The following AGTPBP1 variants were observed in gnomAD, a reference collection of about 807,000 sequenced individuals.
AGTPBP1 encodes ATP/GTP binding carboxypeptidase 1, also known as cytosolic carboxypeptidase 1.
In AGTPBP1, 70 loss-of-function variants were observed where a neutral mutation model predicts 143.9. The observed-to-expected ratio is 0.49, with a 90% confidence interval of 0.40 to 0.59. The LOEUF (loss-of-function observed/expected upper bound fraction) is 0.59. AGTPBP1 is among the 20% of genes least tolerant of loss of function. AGTPBP1 has a pLI of 0.00. For missense variants in AGTPBP1, 1,229 were observed against 1,464.5 expected, an observed-to-expected ratio of 0.84 and a Z score of 2.62; for synonymous variants, 463 against 500.2, an observed-to-expected ratio of 0.93 and a Z score of 0.99.
chr9:85,699,414 A>T (rs1371557877), intron 2 of AGTPBP1, among the ~76,000 whole-genome samples: 1 of 152,228 alleles, frequency 6.6e-6, no homozygotes, highest in African/African-American at 2.4e-5. Flanking sequence ...TTGCTTGAAT[A>T]TGGCAAAAGT....
At chr9:85,585,697 G>A in intron 22 of AGTPBP1, 103 bp from the exon 23 acceptor site, 1 of 909,722 alleles carries the variant, frequency 1.1e-6, no homozygotes, top group Non-Finnish European at 1.5e-6. Context: ...TGTGTTCCTT[G>A]GTCTTTTTAT....
intron 1 of AGTPBP1, among the ~76,000 whole-genome samples, chr9:85,719,356 T>C (rs1587972155): frequency 6.6e-6 from 1 of 152,244 alleles, no homozygotes; most frequent in Non-Finnish European, 1.5e-5. Context: ...CAGTGGTTTG[T>C]AGTTCTCCTT....
the AGTPBP1 span, among the ~76,000 whole-genome samples, chr9:85,759,778 G>C: frequency 6.6e-6 from 1 of 152,178 alleles, no homozygotes; most frequent in Non-Finnish European, 1.5e-5. Context: ...GATCAGAGCA[G>C]AACTGAAGGA....
At position 85,698,679 on chromosome 9, in the gene AGTPBP1, C is replaced by CTTTTTTT. The variant is rs34248388; in HGVS notation, c.33-5873_33-5867dup. Among the ~76,000 whole-genome samples, 257 of 76,584 alleles carry CTTTTTTT rather than the reference C, an allele frequency of 3.4e-3. 18 individuals are homozygous for CTTTTTTT. The highest frequency in any genetic ancestry group is 0.012 in the Middle Eastern group (1 of 84). 50.2% of individuals were successfully genotyped at this position (76,584 alleles called of 152,430 possible). On this transcript the variant is annotated intron_variant, in intron 2 of 25. Coordinates refer to ENST00000357081, the MANE Select transcript of AGTPBP1 (RefSeq NM_001330701.2). ...GGAAATGTATCTTCCCCACCTAACC[C>CTTTTTTT]TTTTTTTTTTTTTTTTTTTTTTTTT...
At chr9:85,628,814 A>G (rs977415175) in intron 14 of AGTPBP1, among the ~76,000 whole-genome samples, 3 of 152,084 alleles carry the variant, frequency 2.0e-5, no homozygotes, top group African/African-American at 4.8e-5. Flanking sequence ...CCTGGGTTCA[A>G]GTGAGTAGCT....
chr9:85,779,004 T>G, the AGTPBP1 span, among the ~76,000 whole-genome samples: 1 of 152,020 alleles, frequency 6.6e-6, no homozygotes, highest in Admixed American at 6.6e-5. Context: ...TCCATACTAT[T>G]AGGAGTAGAG....
At chr9:85,790,813 C>T in the AGTPBP1 span, among the ~76,000 whole-genome samples, 2 of 152,124 alleles carry the variant, frequency 1.3e-5, no homozygotes, top group Admixed American at 1.3e-4. Flanking sequence ...ACAACAATCT[C>T]ATAGTCTGTT....
chr9:85,802,827 C>T, the AGTPBP1 span, among the ~76,000 whole-genome samples: 1 of 152,202 alleles, frequency 6.6e-6, no homozygotes, highest in African/African-American at 2.4e-5. Context: ...GTCCAGGGTC[C>T]AGCTGGCAGA....
At chr9:85,602,903 A>G (rs1829756791) in intron 17 of AGTPBP1, among the ~76,000 whole-genome samples, 3 of 152,302 alleles carry the variant, frequency 2.0e-5, no homozygotes, top group South Asian at 2.1e-4. Flanking sequence ...AGTGCTGTCA[A>G]TGTCACAGCA....
chr9:85,614,047 A>G (rs1308885804), intron 17 of AGTPBP1, among the ~76,000 whole-genome samples: 1 of 152,096 alleles, frequency 6.6e-6, no homozygotes, highest in Admixed American at 6.5e-5. Flanking sequence ...ATTTTTTAAA[A>G]AAAGAAATTC....
At chr9:85,741,505 G>C (rs1439834537) in intron 1 of AGTPBP1, 3 of 985,420 alleles carry the variant, frequency 3.0e-6, no homozygotes, top group Non-Finnish European at 3.6e-6. Context: ...GCAAGGTCTG[G>C]GACGGGGATC....
At chr9:85,766,787 C>T in the AGTPBP1 span, among the ~76,000 whole-genome samples, 1 of 152,096 alleles carries the variant, frequency 6.6e-6, no homozygotes, top group Non-Finnish European at 1.5e-5. Flanking sequence ...AGCAGATGAT[C>T]GAGAACATGA....
At chr9:85,783,446 T>C in the AGTPBP1 span, among the ~76,000 whole-genome samples, 1 of 152,176 alleles carries the variant, frequency 6.6e-6, no homozygotes, top group Non-Finnish European at 1.5e-5. Context: ...GTTGCAATTA[T>C]ATTGGGGATA....
At chr9:85,758,542 G>A in the AGTPBP1 span, among the ~76,000 whole-genome samples, 30 of 152,186 alleles carry the variant, frequency 2.0e-4, no homozygotes, top group Admixed American at 1.4e-3. Context: ...GTACTTGGGA[G>A]CTGAGGCAGG....
the AGTPBP1 span, chr9:85,774,154 C>G: frequency 1.3e-6 from 1 of 746,118 alleles, no homozygotes; most frequent in Non-Finnish European, 2.3e-6. Flanking sequence ...GCTACTTAGA[C>G]AAGTTTTTGG....
At chr9:85,638,396 T>C (rs1832226641) in intron 13 of AGTPBP1, among the ~76,000 whole-genome samples, 2 of 151,618 alleles carry the variant, frequency 1.3e-5, no homozygotes, top group East Asian at 1.9e-4. Flanking sequence ...AAACTAGTAA[T>C]AGGGAAAAGG....
chr9:85,593,127 C>T (rs969448134), intron 18 of AGTPBP1, among the ~76,000 whole-genome samples: 2 of 152,098 alleles, frequency 1.3e-5, no homozygotes, highest in African/African-American at 4.8e-5. Flanking sequence ...GAGAAACAAT[C>T]AGAGATGATG....
At chr9:85,557,191 T>C (rs1183194513) in intron 25 of AGTPBP1, among the ~76,000 whole-genome samples, 2 of 152,188 alleles carry the variant, frequency 1.3e-5, no homozygotes, top group Non-Finnish European at 2.9e-5. Context: ...TCTTCCAGAC[T>C]AATAATCACT....
chr9:85,620,777 A>G (rs1334868063), intron 15 of AGTPBP1, among the ~76,000 whole-genome samples: 1 of 152,206 alleles, frequency 6.6e-6, no homozygotes, highest in African/African-American at 2.4e-5. Context: ...ACTATGGAGA[A>G]GGATCAAGCA....
Sources: allele counts gnomAD v4.1 joint callset (sites outside exome capture counted in the v4.1 genomes callset), GRCh38; gene constraint gnomAD v4.1.1; transcripts MANE v1.5; gene names NCBI Gene and HGNC (gene_info 2026-07-23, HGNC 2026-07-21).